KCNG3: variants seen among roughly 807,000 people sequenced by gnomAD.
The protein encoded by KCNG3 is voltage-gated potassium channel regulatory subunit KCNG3.
Under a neutral mutation model 29.0 loss-of-function variants are expected in KCNG3, and 15 were observed. The ratio of observed to expected loss-of-function variants is 0.52; its 90% confidence interval spans 0.35 to 0.80. KCNG3 has a LOEUF of 0.80. KCNG3 is among the 30% of genes least tolerant of loss of function. The probability of loss-of-function intolerance (pLI) is 0.01; values close to 1 mark genes in which losing one functional copy is unlikely to be tolerated. For synonymous variants in KCNG3, 322 were observed against 248.9 expected, an observed-to-expected ratio of 1.29 and a Z score of -2.76; for missense variants, 512 against 605.7, an observed-to-expected ratio of 0.85 and a Z score of 1.62.
intron 1 of KCNG3, among the ~76,000 whole-genome samples, chr2:42,462,781 C>T (rs891124012): frequency 2.6e-5 from 4 of 152,158 alleles, no homozygotes; most frequent in African/African-American, 9.7e-5. Flanking sequence ...GGTTAGGAAA[C>T]CAAGGTTCAA....
At chr2:42,399,780 G>A in the KCNG3 span, among the ~76,000 whole-genome samples, 23 of 152,168 alleles carry the variant, frequency 1.5e-4, no homozygotes, top group African/African-American at 3.9e-4. Flanking sequence ...CTCCTTTGCC[G>A]GAATCCTAGG....
At chr2:42,482,936 T>C (rs1018199259) in intron 1 of KCNG3, among the ~76,000 whole-genome samples, 2 of 151,640 alleles carry the variant, frequency 1.3e-5, no homozygotes, top group Admixed American at 6.6e-5. Context: ...GCCCGGACAA[T>C]ATAGCAAGAT....
chr2:42,472,388 A>G (rs1434192807), intron 1 of KCNG3, among the ~76,000 whole-genome samples: 3 of 152,210 alleles, frequency 2.0e-5, no homozygotes, highest in Admixed American at 2.0e-4. Context: ...ACATAATCAT[A>G]TATTAAATGT....
chr2:42,493,604 C>A lies in KCNG3; in HGVS notation c.-103G>T. On this transcript the variant is annotated 5_prime_UTR_variant, in exon 1 of 2. Coordinates refer to ENST00000306078, the MANE Select transcript of KCNG3 (RefSeq NM_133329.6). ...TGCCCGTGGCTGACGGGGGAGCGCG[C>A]CGTCGGGGCCCGCGCTCCCTCGGGG... is the stretch of plus-strand genomic sequence containing the variant. The A allele has an allele frequency of 2.9e-6, 3 of 1,037,574 alleles. No individual in the cohort carries two copies. The highest frequency in any genetic ancestry group is 3.7e-6 in the Non-Finnish European group (3 of 813,202). The allele number at this position is 1,037,574 out of a possible 1,614,324, so 64.3% of individuals were successfully genotyped here. A position where few individuals can be genotyped will look rare whatever the true frequency, so the allele number is the denominator to read the frequency against.
At chr2:42,447,900 G>T (rs1672642634) in intron 1 of KCNG3, among the ~76,000 whole-genome samples, 1 of 152,034 alleles carries the variant, frequency 6.6e-6, no homozygotes, top group African/African-American at 2.4e-5. Context: ...CTGAGACTTG[G>T]AATTACTGGA....
intron 1 of KCNG3, among the ~76,000 whole-genome samples, chr2:42,457,226 C>T (rs1484762829): frequency 2.6e-5 from 4 of 151,724 alleles, no homozygotes; most frequent in East Asian, 3.9e-4. Context: ...AGCTCATGCC[C>T]GTAATCCCAA....
the KCNG3 span, among the ~76,000 whole-genome samples, chr2:42,388,944 G>C: frequency 6.6e-6 from 1 of 152,004 alleles, no homozygotes; most frequent in Non-Finnish European, 1.5e-5. Context: ...TTGAGAGGGA[G>C]TCTCGCCCTG....
chr2:42,493,336 G>A lies in KCNG3; in HGVS notation c.166C>T (p.Arg56Cys). Residue 56 changes from arginine (R) to cysteine (C), a missense_variant, in exon 1 of 2, where the codon CGC (arginine) becomes TGC (cysteine). Arg to Cys is a radical substitution (Grantham distance 180). Around this residue, in one of 5 missense-constraint regions of KCNG3, gnomAD observed 91 missense variants for 91.1 expected, o/e 1.00. Transcript: ENST00000306078. ...DVLEVCDDYD[R>C]ERNEYFFDRH... ...TCGAAGAAGTACTCGTTGCGCTCGC[G>A]GTCGTAGTCGTCGCACACCTCGAGC... is the stretch of plus-strand genomic sequence containing the variant. 2 of 1,601,574 alleles carry A rather than the reference G, an allele frequency of 1.2e-6. No individual in the cohort carries two copies. Among genetic ancestry groups the A allele is most frequent in the Non-Finnish European group, 1.7e-6 (2 of 1,174,182 alleles).
chr2:42,478,394 A>C (rs1473573110), intron 1 of KCNG3, among the ~76,000 whole-genome samples: 4 of 151,690 alleles, frequency 2.6e-5, no homozygotes, highest in Non-Finnish European at 5.9e-5. Context: ...CACCATGCCT[A>C]GCTAATTTTC....
the KCNG3 span, among the ~76,000 whole-genome samples, chr2:42,404,671 T>C: frequency 6.6e-6 from 1 of 152,112 alleles, no homozygotes; most frequent in Non-Finnish European, 1.5e-5. Flanking sequence ...GAGGTTTCAG[T>C]GAGCTGAGAT....
At position 42,444,793 on chromosome 2, in the gene KCNG3, G is replaced by A. The variant is rs752338472; in HGVS notation, c.666-214C>T. ...GATGAAAATTGAGACCAGGTGCAGTGGCTCATGCATGTAATCCCAGGTCTT... is the reference window on the plus strand; with the variant it reads ...GATGAAAATTGAGACCAGGTGCAGTAGCTCATGCATGTAATCCCAGGTCTT... On this transcript the variant is annotated intron_variant, in intron 1 of 1. Coordinates refer to ENST00000306078, the MANE Select transcript of KCNG3 (RefSeq NM_133329.6). This position sits in a 1 kb window ranked among gnomAD's most constrained non-coding sequence, Gnocchi z 5.8. 6.6e-6 allele frequency among the ~76,000 whole-genome samples: 1 copy of A among 152,062 alleles called. No individual in the cohort carries two copies. The highest frequency in any genetic ancestry group is 1.5e-5 in the Non-Finnish European group (1 of 68,018).
the KCNG3 span, among the ~76,000 whole-genome samples, chr2:42,394,028 G>A: frequency 5.3e-5 from 8 of 152,096 alleles, no homozygotes; most frequent in Non-Finnish European, 1.2e-4. Flanking sequence ...TGATCCACCT[G>A]TCTCAGCCTC....
At chr2:42,432,920 A>G in the KCNG3 span, among the ~76,000 whole-genome samples, 3 of 143,586 alleles carry the variant, frequency 2.1e-5, no homozygotes, top group Non-Finnish European at 3.0e-5. Context: ...CACAGAGTCA[A>G]TATGCTTTTA....
intron 1 of KCNG3, among the ~76,000 whole-genome samples, chr2:42,462,608 C>T (rs940168839): frequency 2.6e-5 from 4 of 152,046 alleles, no homozygotes; most frequent in Admixed American, 2.0e-4. Flanking sequence ...CTTGAACCCA[C>T]GAGGCAGACG....
chr2:42,476,137 T>A (rs1192244138), intron 1 of KCNG3, among the ~76,000 whole-genome samples: 2 of 152,296 alleles, frequency 1.3e-5, no homozygotes, highest in Non-Finnish European at 2.9e-5. Context: ...TACAGTTTTT[T>A]AAAATTTTTT....
intron 1 of KCNG3, among the ~76,000 whole-genome samples, chr2:42,481,688 C>T (rs1189181199): frequency 6.6e-6 from 1 of 152,164 alleles, no homozygotes; most frequent in African/African-American, 2.4e-5. Flanking sequence ...TTCCCCACCA[C>T]TCTCACCTCT....
intron 1 of KCNG3, among the ~76,000 whole-genome samples, chr2:42,451,300 A>G (rs565015742): frequency 6.6e-6 from 1 of 150,636 alleles, no homozygotes; most frequent in East Asian, 2.0e-4. Context: ...TGTGTGTGCC[A>G]GGGGCAGTGA....
intron 1 of KCNG3, chr2:42,470,168 C>A: frequency 2.4e-6 from 1 of 421,418 alleles, no homozygotes. Context: ...TCTGATAGAG[C>A]GTCAGATTCA....
At chr2:42,484,534 G>C (rs1673673547) in intron 1 of KCNG3, among the ~76,000 whole-genome samples, 1 of 152,184 alleles carries the variant, frequency 6.6e-6, no homozygotes, top group South Asian at 2.1e-4. Context: ...GTATACACTT[G>C]CATGTATGTG....
Sources: gnomAD v4.1 joint callset for allele counts (sites outside exome capture counted in the v4.1 genomes callset) on GRCh38, gnomAD v4.1.1 for gene constraint, gnomAD v4.1.1 regional missense constraint, Gnocchi (gnomAD v3.1) non-coding constraint, MANE v1.5 for transcripts, NCBI Gene and HGNC (gene_info 2026-07-23, HGNC 2026-07-21) for gene names.